NXPH1: variants seen among roughly 807,000 people sequenced by gnomAD.
The protein encoded by NXPH1 is neurexophilin-1.
In NXPH1, 5 loss-of-function variants were observed where a neutral mutation model predicts 23.7. The observed-to-expected ratio is 0.21, with a 90% CI of 0.11 to 0.44. NXPH1 has a LOEUF of 0.44. Ranked by LOEUF, NXPH1 falls within the 20% of genes least tolerant of loss-of-function variation. The probability of loss-of-function intolerance (pLI) is 0.99; values close to 1 mark genes in which losing one functional copy is unlikely to be tolerated. For synonymous variants in NXPH1, 144 were observed against 122.2 expected (o/e 1.18, Z -1.18); for missense variants, 324 against 321.6 (o/e 1.01, Z -0.06).
At chr7:8,503,517 A>C (rs1817472396) in intron 2 of NXPH1, among the ~76,000 whole-genome samples, 1 of 151,972 alleles carries the variant, frequency 6.6e-6, no homozygotes, top group East Asian at 1.9e-4. Context: ...TATTTAGCAC[A>C]AAGTTTTCTT....
intron 2 of NXPH1, among the ~76,000 whole-genome samples, chr7:8,518,200 C>T (rs1382648409): frequency 6.6e-6 from 1 of 152,020 alleles, no homozygotes; most frequent in Non-Finnish European, 1.5e-5. Context: ...AGGAAAAACC[C>T]AGACTTATTT....
intron 2 of NXPH1, among the ~76,000 whole-genome samples, chr7:8,601,884 G>C (rs1426650680): frequency 1.3e-5 from 2 of 152,142 alleles, no homozygotes; most frequent in Non-Finnish European, 2.9e-5. Context: ...GGAAATATTT[G>C]GCTTTAAATC....
At chr7:8,527,231 T>C (rs1190328477) in intron 2 of NXPH1, among the ~76,000 whole-genome samples, 1 of 152,210 alleles carries the variant, frequency 6.6e-6, no homozygotes, top group Non-Finnish European at 1.5e-5. Flanking sequence ...CACGCTATTG[T>C]TGCAAGGAAC....
At chr7:8,537,071 C>A (rs565806825) in intron 2 of NXPH1, among the ~76,000 whole-genome samples, 10 of 151,998 alleles carry the variant, frequency 6.6e-5, no homozygotes, top group African/African-American at 1.9e-4. Flanking sequence ...ATTTTTAAAC[C>A]TTTTCTCTCT....
intron 2 of NXPH1, among the ~76,000 whole-genome samples, chr7:8,508,455 C>T (rs554845603): frequency 6.6e-6 from 1 of 152,196 alleles, no homozygotes; most frequent in African/African-American, 2.4e-5. Flanking sequence ...ATTCTTTGAA[C>T]AGTGCCTCTT....
chr7:8,472,477 T>G (rs1401035783), intron 2 of NXPH1, among the ~76,000 whole-genome samples: 1 of 152,286 alleles, frequency 6.6e-6, no homozygotes, highest in East Asian at 1.9e-4. Context: ...AAAGTCACCC[T>G]GAGTTGGTAT....
At chr7:8,517,771 T>C (rs1309027029) in intron 2 of NXPH1, among the ~76,000 whole-genome samples, 1 of 152,174 alleles carries the variant, frequency 6.6e-6, no homozygotes, top group Non-Finnish European at 1.5e-5. Flanking sequence ...TTGGGACATT[T>C]ACAGAGGCAG....
intron 2 of NXPH1, among the ~76,000 whole-genome samples, chr7:8,494,558 C>T (rs1016543144): frequency 6.6e-6 from 1 of 151,592 alleles, no homozygotes; most frequent in African/African-American, 2.4e-5. Flanking sequence ...GTAACAGTTT[C>T]AGAAAATTGT....
chr7:8,739,445 C>T (rs899510658), intron 2 of NXPH1, among the ~76,000 whole-genome samples: 1 of 152,048 alleles, frequency 6.6e-6, no homozygotes, highest in Non-Finnish European at 1.5e-5. Flanking sequence ...CAACACCCCA[C>T]CCTGCTTCTG....
At chr7:8,570,976 A>T (rs1316586036) in intron 2 of NXPH1, among the ~76,000 whole-genome samples, 1 of 151,794 alleles carries the variant, frequency 6.6e-6, no homozygotes, top group Admixed American at 6.6e-5. Context: ...GGTTTCTGTT[A>T]TCAACAGAAT....
intron 2 of NXPH1, among the ~76,000 whole-genome samples, chr7:8,639,737 T>A (rs568770316): frequency 8.5e-5 from 13 of 152,274 alleles, no homozygotes; most frequent in African/African-American, 3.1e-4. Context: ...CCCATGCTGT[T>A]CTCATGATTG....
intron 2 of NXPH1, among the ~76,000 whole-genome samples, chr7:8,547,283 A>C (rs60142081): frequency 0.3 from 44,644 of 151,102 alleles, 7,557 homozygotes; most frequent in East Asian, 0.51. Context: ...TTCTTTTGCA[A>C]ATTTTAGAAA....
At chr7:8,474,179 G>A (rs1486284845) in intron 2 of NXPH1, among the ~76,000 whole-genome samples, 5 of 152,142 alleles carry the variant, frequency 3.3e-5, no homozygotes, top group Non-Finnish European at 7.4e-5. Flanking sequence ...AATTAGGAAT[G>A]TGAGAGGACA....
chr7:8,497,877 A>C (rs1817364924), intron 2 of NXPH1, among the ~76,000 whole-genome samples: 1 of 151,990 alleles, frequency 6.6e-6, no homozygotes. Flanking sequence ...ATTAGATCCC[A>C]TTTGTCAATT....
At chr7:8,546,893 T>A (rs1818204917) in intron 2 of NXPH1, among the ~76,000 whole-genome samples, 1 of 151,416 alleles carries the variant, frequency 6.6e-6, no homozygotes, top group Admixed American at 6.6e-5. Context: ...TTTGAAACCT[T>A]GTATCTCTTT....
chr7:8,498,839 G>T (rs1384359424), intron 2 of NXPH1, among the ~76,000 whole-genome samples: 3 of 152,076 alleles, frequency 2.0e-5, no homozygotes, highest in Admixed American at 1.3e-4. Flanking sequence ...AAAGGGAAAT[G>T]TGATGTCAGT....
intron 2 of NXPH1, among the ~76,000 whole-genome samples, chr7:8,732,083 G>C (rs961303653): frequency 6.6e-6 from 1 of 152,224 alleles, no homozygotes; most frequent in Non-Finnish European, 1.5e-5. Flanking sequence ...CGCAATATTC[G>C]GGTGGGAGTG....
At chr7:8,454,325 G>A (rs968393115) in intron 2 of NXPH1, among the ~76,000 whole-genome samples, 2 of 152,164 alleles carry the variant, frequency 1.3e-5, no homozygotes, top group African/African-American at 4.8e-5. Flanking sequence ...AGTGAACTCT[G>A]TGATATGGTT....
intron 2 of NXPH1, among the ~76,000 whole-genome samples, chr7:8,712,593 A>T (rs943176987): frequency 2.7e-4 from 41 of 151,884 alleles, no homozygotes; most frequent in Admixed American, 2.3e-3. Flanking sequence ...CATTAAATGA[A>T]AACATAAAAA....
Sources: gnomAD v4.1 joint callset for allele counts (sites outside exome capture counted in the v4.1 genomes callset) on GRCh38, gnomAD v4.1.1 for gene constraint, MANE v1.5 for transcripts, NCBI Gene and HGNC (gene_info 2026-07-23, HGNC 2026-07-21) for gene names.